Variants in EVA1A observed in about 807,000 individuals in gnomAD.
EVA1A encodes protein eva-1 homolog A.
In EVA1A, 7 loss-of-function variants were observed where a neutral mutation model predicts 9.8. The observed-to-expected ratio is 0.71, with a 90% CI of 0.41 to 1.34. EVA1A has a LOEUF of 1.34. Ranked by LOEUF, EVA1A falls within the 40% of genes most tolerant of loss-of-function variation. The pLI is 0.01. For synonymous variants in EVA1A, 90 were observed against 85.6 expected, an observed-to-expected ratio of 1.05 and a Z score of -0.28; for missense variants, 206 against 205.9, an observed-to-expected ratio of 1.00 and a Z score of 0.00.
chr2:75,563,697 G>A (rs10489976), upstream of EVA1A, among the ~76,000 whole-genome samples: 4,848 of 152,270 alleles, frequency 0.032, 200 homozygotes, highest in East Asian at 0.12. Context: ...TTGCATTGTT[G>A]TTCCTGTCTA....
At chr2:75,557,682 C>A (rs1030085405) in intron 1 of EVA1A, among the ~76,000 whole-genome samples, 4 of 152,206 alleles carry the variant, frequency 2.6e-5, no homozygotes, top group South Asian at 4.1e-4. Context: ...TCCATCCCCC[C>A]ATCCCAAAAA....
intron 1 of EVA1A, among the ~76,000 whole-genome samples, chr2:75,553,210 G>A (rs1324125391): frequency 6.6e-6 from 1 of 152,162 alleles, no homozygotes; most frequent in Non-Finnish European, 1.5e-5. Context: ...CCTCTTTGAT[G>A]CATGTTGTCT....
intron 3 of EVA1A, among the ~76,000 whole-genome samples, chr2:75,509,533 T>C (rs1460351381): frequency 1.3e-5 from 2 of 152,212 alleles, no homozygotes; most frequent in African/African-American, 4.8e-5. Context: ...GGTTAGTTTA[T>C]GTTATTGTTA....
chr2:75,520,703 G>T (rs1479856660), intron 2 of EVA1A, among the ~76,000 whole-genome samples: 1 of 152,132 alleles, frequency 6.6e-6, no homozygotes, highest in Non-Finnish European at 1.5e-5. Flanking sequence ...CTCAAAATGT[G>T]TCAAAGACCT....
At chr2:75,512,702 C>G (rs1674857442) in intron 3 of EVA1A, among the ~76,000 whole-genome samples, 1 of 152,148 alleles carries the variant, frequency 6.6e-6, no homozygotes, top group South Asian at 2.1e-4. Context: ...CCTGCCTCTG[C>G]TCTAGGGCAT....
At chr2:75,544,577 G>A (rs1676260781) in intron 1 of EVA1A, among the ~76,000 whole-genome samples, 1 of 152,016 alleles carries the variant, frequency 6.6e-6, no homozygotes, top group Admixed American at 6.5e-5. Context: ...CTGTGTTAAA[G>A]GCTTTAAGTG....
chr2:75,558,397 C>T (rs1440778950), intron 1 of EVA1A: 1 of 152,092 alleles, frequency 6.6e-6, no homozygotes, highest in African/African-American at 2.4e-5. Flanking sequence ...AGCCTGACGC[C>T]AAAGCCTGAA....
At chr2:75,523,120 C>T (rs1484888389) in intron 1 of EVA1A, among the ~76,000 whole-genome samples, 1 of 152,218 alleles carries the variant, frequency 6.6e-6, no homozygotes, top group Non-Finnish European at 1.5e-5. Flanking sequence ...CGTGTGCACA[C>T]TCATTCATTC....
At chr2:75,535,010 T>C (rs935418109) in intron 1 of EVA1A, among the ~76,000 whole-genome samples, 20 of 152,160 alleles carry the variant, frequency 1.3e-4, no homozygotes, top group African/African-American at 3.9e-4. Flanking sequence ...AGGGTATCCT[T>C]TCCCTAGTTT....
chr2:75,504,366 G>A (rs1367819753), intron 3 of EVA1A, among the ~76,000 whole-genome samples: 3 of 152,086 alleles, frequency 2.0e-5, no homozygotes, highest in East Asian at 1.9e-4. Context: ...AGATGAGATC[G>A]CACCATTGCA....
At chr2:75,569,122 C>A (rs985266055) in intron 1 of EVA1A, among the ~76,000 whole-genome samples, 1 of 152,086 alleles carries the variant, frequency 6.6e-6, no homozygotes, top group Non-Finnish European at 1.5e-5. Context: ...TCCATGCCAA[C>A]ATATATTGTT....
intron 1 of EVA1A, among the ~76,000 whole-genome samples, chr2:75,530,204 A>C (rs919369896): frequency 8.5e-5 from 13 of 152,308 alleles, no homozygotes; most frequent in African/African-American, 2.4e-4. Flanking sequence ...AACCAGGAAG[A>C]AACAGTAACT....
chr2:75,543,189 G>T (rs1248537009), intron 1 of EVA1A, among the ~76,000 whole-genome samples: 1 of 151,782 alleles, frequency 6.6e-6, no homozygotes, highest in Non-Finnish European at 1.5e-5. Context: ...TTTTTCTCTA[G>T]AATTGCAAAT....
chr2:75,515,105 T>A (rs947019054), intron 3 of EVA1A, among the ~76,000 whole-genome samples: 1 of 152,248 alleles, frequency 6.6e-6, no homozygotes, highest in East Asian at 1.9e-4. Flanking sequence ...TTTCTTCTTT[T>A]GCAAACTGTT....
intron 3 of EVA1A, among the ~76,000 whole-genome samples, chr2:75,496,912 A>C (rs1674231447): frequency 6.6e-6 from 1 of 152,246 alleles, no homozygotes; most frequent in Non-Finnish European, 1.5e-5. Flanking sequence ...ATCTTTGACA[A>C]AGTCAACAAT....
chr2:75,538,200 G>T (rs1675986547), intron 1 of EVA1A, among the ~76,000 whole-genome samples: 1 of 152,166 alleles, frequency 6.6e-6, no homozygotes, highest in Non-Finnish European at 1.5e-5. Flanking sequence ...TGAGACAGGA[G>T]AATTGCTTGA....
chr2:75,566,473 A>G (rs931552478), intron 1 of EVA1A, among the ~76,000 whole-genome samples: 2 of 152,200 alleles, frequency 1.3e-5, no homozygotes, highest in African/African-American at 4.8e-5. Flanking sequence ...CCTCTAGGGA[A>G]TATAAGCCAC....
In EVA1A at chr2:75,492,970, T is replaced by C; in HGVS notation, c.*266A>G. 2.2e-6 allele frequency: 1 copy of C among 454,066 alleles called. No homozygotes were observed. Among genetic ancestry groups the C allele is most frequent in the South Asian group, 4.5e-5 (1 of 22,298 alleles). 28.1% of individuals were successfully genotyped at this position (454,066 alleles called of 1,614,324 possible). A position where few individuals can be genotyped will look rare whatever the true frequency, so the allele number is the denominator to read the frequency against. On this transcript the variant is annotated 3_prime_UTR_variant, in exon 4 of 4. Transcript: ENST00000393913. The stretch of plus-strand genomic sequence containing the variant: ...AATCAAGAGAAACCACAGTCGCGTT[T>C]CTCCGATCTCCATCCACAGTGTTGG...
chr2:75,566,812 A>T (rs79676817), intron 1 of EVA1A, among the ~76,000 whole-genome samples: 2,580 of 152,246 alleles, frequency 0.017, 78 homozygotes, highest in African/African-American at 0.058. Context: ...ACCATTTAAA[A>T]CATAAACATA....
Sources: allele counts gnomAD v4.1 joint callset (sites outside exome capture counted in the v4.1 genomes callset), GRCh38; gene constraint gnomAD v4.1.1; transcripts MANE v1.5; gene names NCBI Gene and HGNC (gene_info 2026-07-23, HGNC 2026-07-21).